Variants in SGIP1 observed in about 807,000 individuals in gnomAD.
SGIP1 encodes SH3GL interacting endocytic adaptor 1, also known as SH3-containing GRB2-like protein 3-interacting protein 1.
In SGIP1, 38 loss-of-function variants were observed where a neutral mutation model predicts 107.5. The ratio of observed to expected loss-of-function variants is 0.35; its 90% CI spans 0.27 to 0.46. The LOEUF is 0.46. Among genes scored for constraint, SGIP1 ranks in the 20% least tolerant of loss-of-function variants. The pLI is 1.00. For synonymous variants in SGIP1, 365 were observed against 366.1 expected (o/e 1.00, Z 0.03); for missense variants, 929 against 1,019.5 (o/e 0.91, Z 1.21).
At chr1:66,552,446 T>G (rs1450048384) in intron 1 of SGIP1, among the ~76,000 whole-genome samples, 1 of 152,138 alleles carries the variant, frequency 6.6e-6, no homozygotes, top group Non-Finnish European at 1.5e-5. Context: ...TCTTACCTGG[T>G]TGGCATAGTG....
rs1313535309 is a variant in SGIP1, at chr1:66,745,013, G to A, written c.*1918G>A. On this transcript the variant is annotated 3_prime_UTR_variant, in exon 25 of 25. Coordinates refer to ENST00000371037, the MANE Select transcript of SGIP1 (RefSeq NM_032291.4). ...TTATCCAGCATATGAATATAACAAT[G>A]TGTTTTTAAGTAATCAATTCATTTA... The A allele has an allele frequency of 6.6e-6, 1 of 152,362 alleles. No homozygotes were observed. Among genetic ancestry groups the A allele is most frequent in the African/African-American group, 2.4e-5 (1 of 41,414 alleles). 9.4% of individuals were successfully genotyped at this position (152,362 alleles called of 1,614,324 possible).
chr1:66,614,777 A>C (rs2068802796), intron 1 of SGIP1, among the ~76,000 whole-genome samples: 1 of 150,692 alleles, frequency 6.6e-6, no homozygotes, highest in South Asian at 2.1e-4. Flanking sequence ...AATTAAACAG[A>C]AGAATTCTAA....
At position 66,690,188 on chromosome 1, in the gene SGIP1, A is replaced by G. The variant is rs1220107093; in HGVS notation, c.1444-2A>G. On this transcript the variant is annotated splice_acceptor_variant, in intron 16 of 24. Transcript: ENST00000371037. LOFTEE classifies it high-confidence loss of function. Reference sequence around the variant, plus strand: ...TTTTCATCTCTTTTCTTCTCCTTACAGTCCAGACCTTTTAGCCCTCCCATT... The same window carrying G: ...TTTTCATCTCTTTTCTTCTCCTTACGGTCCAGACCTTTTAGCCCTCCCATT... 6.2e-7 allele frequency: 1 copy of G among 1,613,286 alleles called. No homozygotes were observed. The highest frequency in any genetic ancestry group is 8.5e-7 in the Non-Finnish European group (1 of 1,179,702).
At chr1:66,742,939 A>G (rs17440885) in intron 24 of SGIP1, 134 bp from the exon 25 acceptor site, 41,168 of 803,634 alleles carry the variant, frequency 0.051, 1,370 homozygotes, top group Non-Finnish European at 0.062. Context: ...TGTATCTTTT[A>G]TTCGTATTGT....
intron 1 of SGIP1, among the ~76,000 whole-genome samples, chr1:66,576,129 G>A (rs1244032192): frequency 6.6e-6 from 1 of 152,144 alleles, no homozygotes; most frequent in Admixed American, 6.5e-5. Context: ...GGGTCCTTCT[G>A]GAGTCCTAAA....
At chr1:66,604,190 G>A (rs1483421093) in intron 1 of SGIP1, among the ~76,000 whole-genome samples, 1 of 152,096 alleles carries the variant, frequency 6.6e-6, no homozygotes, top group Non-Finnish European at 1.5e-5. Context: ...GCTGGGGAGG[G>A]AGGGACATGT....
rs1038438364 is a variant in SGIP1 at position 66,534,209 on chromosome 1, C to T, written c.-150C>T. 2 of 767,728 alleles carry T rather than the reference C, an allele frequency of 2.6e-6. No homozygotes were observed. Among genetic ancestry groups the T allele is most frequent in the African/African-American group, 3.4e-5 (2 of 58,220 alleles). The allele number at this position is 767,728 out of a possible 1,614,324, so 47.6% of individuals were successfully genotyped here. ...AGCACCAGCAGCATCCATGGCCTGT[C>T]TTTTGGCTTAACACTTATCTCCTTT... On this transcript the variant is annotated 5_prime_UTR_variant, in exon 1 of 25. Transcript: ENST00000371037.
rs1388128566 is a variant in SGIP1 at position 66,748,467 on chromosome 1, T to A, written c.*5372T>A. On this transcript the variant is annotated 3_prime_UTR_variant, in exon 25 of 25. Coordinates refer to ENST00000371037, the MANE Select transcript of SGIP1 (RefSeq NM_032291.4). Reference sequence around the variant, plus strand: ...CCTCTTGATTGGCCCTCACATTTAATATCTGATTTCTCTCCTAAATGGGTA... The same window carrying A: ...CCTCTTGATTGGCCCTCACATTTAAAATCTGATTTCTCTCCTAAATGGGTA... 6.6e-6 allele frequency among the ~76,000 whole-genome samples: 1 copy of A among 151,994 alleles called. No homozygotes were observed. Among genetic ancestry groups the A allele is most frequent in the Non-Finnish European group, 1.5e-5 (1 of 67,856 alleles).
Position 66,733,871 on chromosome 1 carries a change from C to A in SGIP1, c.2022C>A (p.Leu674=). 2 of 1,612,702 alleles carry A rather than the reference C, an allele frequency of 1.2e-6. No homozygotes were observed. Among genetic ancestry groups the A allele is most frequent in the South Asian group, 1.1e-5 (1 of 90,796 alleles). ...CTACATATTATAACGTTGACATGCT[C>A]AAATATCAGGTAAGCCTATTTACAT... ...PQATYYNVDM[L]KYQVSAQGIQ... The change falls in exon 21 of 25, where the codon CTC becomes CTA. Residue 674 remains leucine, a synonymous_variant. Coordinates refer to ENST00000371037, the MANE Select transcript of SGIP1 (RefSeq NM_032291.4).
intron 1 of SGIP1, among the ~76,000 whole-genome samples, chr1:66,601,763 A>G (rs944596571): frequency 1.3e-5 from 2 of 152,194 alleles, no homozygotes; most frequent in African/African-American, 4.8e-5. Flanking sequence ...TCCTGTATGT[A>G]AGGAGCCCTA....
chr1:66,724,702 G>C (rs2093680514), intron 19 of SGIP1, among the ~76,000 whole-genome samples: 1 of 152,160 alleles, frequency 6.6e-6, no homozygotes, highest in African/African-American at 2.4e-5. Flanking sequence ...TGAATAGACA[G>C]ATGCCTGTTG....
At chr1:66,679,043 T>C (rs961816096) in intron 13 of SGIP1, among the ~76,000 whole-genome samples, 1 of 152,264 alleles carries the variant, frequency 6.6e-6, no homozygotes, top group East Asian at 1.9e-4. Flanking sequence ...AATCTCTTCG[T>C]AGGGACCATG....
At chr1:66,661,388 T>A (rs2081437995) in intron 8 of SGIP1, among the ~76,000 whole-genome samples, 1 of 152,146 alleles carries the variant, frequency 6.6e-6, no homozygotes, top group African/African-American at 2.4e-5. Flanking sequence ...TGCTTCCCGC[T>A]GACCAAATCC....
At chr1:66,718,829 T>C (rs575643670) in intron 18 of SGIP1, among the ~76,000 whole-genome samples, 2 of 151,746 alleles carry the variant, frequency 1.3e-5, no homozygotes, top group South Asian at 4.2e-4. Context: ...ATGGAAATAA[T>C]CCAGAAAAAA....
chr1:66,727,220 A>G (rs2093797638), intron 19 of SGIP1, among the ~76,000 whole-genome samples: 2 of 152,356 alleles, frequency 1.3e-5, no homozygotes, highest in South Asian at 2.1e-4. Flanking sequence ...CTTGACATTC[A>G]ATAAGAGAAC....
intron 3 of SGIP1, among the ~76,000 whole-genome samples, chr1:66,633,569 C>T (rs1195568836): frequency 6.6e-6 from 1 of 152,174 alleles, no homozygotes; most frequent in East Asian, 1.9e-4. Flanking sequence ...TTGAAAACCA[C>T]TTAAGCCTGA....
chr1:66,673,166 C>CATACACA, intron 11 of SGIP1, 115 bp from the exon 12 acceptor site: 1 of 1,012,980 alleles, frequency 9.9e-7, no homozygotes, highest in Non-Finnish European at 1.6e-6. Context: ...CATGCATGCA[C>CATACACA]TGGTGCACAC....
intron 1 of SGIP1, among the ~76,000 whole-genome samples, chr1:66,560,899 G>A (rs2148444286): frequency 6.6e-6 from 1 of 152,138 alleles, no homozygotes; most frequent in South Asian, 2.1e-4. Flanking sequence ...CTTTGTGAAT[G>A]TTAAGCGTGC....
intron 17 of SGIP1, 53 bp from the exon 18 acceptor site, chr1:66,695,381 C>T: frequency 6.2e-7 from 1 of 1,613,204 alleles, no homozygotes; most frequent in South Asian, 1.1e-5. Flanking sequence ...TTGTGTCCTT[C>T]TCTCTCCCTT....
Sources: gnomAD v4.1 joint callset for allele counts (sites outside exome capture counted in the v4.1 genomes callset) on GRCh38, gnomAD v4.1.1 for gene constraint, MANE v1.5 for transcripts, NCBI Gene and HGNC (gene_info 2026-07-23, HGNC 2026-07-21) for gene names.